PARD3B: variants seen among roughly 807,000 people sequenced by gnomAD.
The protein encoded by PARD3B is par-3 family cell polarity regulator beta, also known as partitioning defective 3 homolog B.
Under a neutral mutation model 130.2 loss-of-function variants are expected in PARD3B, and 103 were observed. That is an observed-to-expected ratio of 0.79 (90% CI 0.67 to 0.93). The LOEUF is 0.93. PARD3B is among the 40% of genes least tolerant of loss of function. The pLI, the probability that PARD3B is intolerant of heterozygous loss-of-function variation, is 0.00. For synonymous variants in PARD3B, 583 were observed against 553.2 expected, an observed-to-expected ratio of 1.05 and a Z score of -0.76; for missense variants, 1,609 against 1,499.2, an observed-to-expected ratio of 1.07 and a Z score of -1.21.
chr2:205,030,945 T>A (rs761625254), intron 3 of PARD3B, among the ~76,000 whole-genome samples: 11 of 152,170 alleles, frequency 7.2e-5, no homozygotes, highest in Non-Finnish European at 1.5e-4. Flanking sequence ...GTCTTTTTAT[T>A]GTGGAATGTA....
At chr2:205,322,002 G>A (rs1344318891) in intron 18 of PARD3B, among the ~76,000 whole-genome samples, 2 of 152,138 alleles carry the variant, frequency 1.3e-5, no homozygotes, top group Non-Finnish European at 2.9e-5. Context: ...AAATTGTGCT[G>A]CAGAAGGATC....
chr2:204,837,896 G>A (rs1478064852), intron 2 of PARD3B, among the ~76,000 whole-genome samples: 1 of 152,022 alleles, frequency 6.6e-6, no homozygotes, highest in African/African-American at 2.4e-5. Flanking sequence ...CCTAACTTTT[G>A]TTTCTAAGGC....
intron 1 of PARD3B, among the ~76,000 whole-genome samples, chr2:204,596,982 A>AC (rs1290119841): frequency 3.3e-5 from 5 of 150,628 alleles, no homozygotes; most frequent in Non-Finnish European, 7.4e-5. Flanking sequence ...ATTATATATA[A>AC]TTTTTCATGT....
intron 2 of PARD3B, among the ~76,000 whole-genome samples, chr2:204,929,193 T>A (rs922432055): frequency 6.6e-6 from 1 of 152,110 alleles, no homozygotes; most frequent in East Asian, 1.9e-4. Context: ...TCAAAAGAAT[T>A]TGCTGTTAAT....
intron 2 of PARD3B, among the ~76,000 whole-genome samples, chr2:204,760,935 G>A (rs998665179): frequency 2.6e-5 from 4 of 152,158 alleles, no homozygotes; most frequent in Admixed American, 2.0e-4. Flanking sequence ...TTGCAGAAGA[G>A]CATCTTAATA....
intron 20 of PARD3B, among the ~76,000 whole-genome samples, chr2:205,464,240 A>C (rs1174178036): frequency 6.6e-6 from 1 of 152,142 alleles, no homozygotes; most frequent in East Asian, 1.9e-4. Context: ...CATACTGTAA[A>C]AATAGTTGTA....
At chr2:205,099,385 A>G (rs976508897) in intron 4 of PARD3B, among the ~76,000 whole-genome samples, 1 of 152,180 alleles carries the variant, frequency 6.6e-6, no homozygotes, top group East Asian at 1.9e-4. Context: ...ATTCTTCATA[A>G]TCAGGGTTAT....
At chr2:205,220,452 G>A (rs1194902967) in intron 15 of PARD3B, among the ~76,000 whole-genome samples, 5 of 152,090 alleles carry the variant, frequency 3.3e-5, no homozygotes, top group Admixed American at 3.3e-4. Context: ...CAATCCATGG[G>A]CTACTGTTAG....
chr2:205,104,659 AATT>A, intron 5 of PARD3B, 145 bp downstream of exon 5: 1 of 583,174 alleles, frequency 1.7e-6, no homozygotes, highest in South Asian at 2.4e-5. Flanking sequence ...ACAGTTACTT[AATT>A]CTTCTTTTCT....
chr2:204,948,342 C>T (rs1689496108), intron 2 of PARD3B, among the ~76,000 whole-genome samples: 1 of 152,272 alleles, frequency 6.6e-6, no homozygotes, highest in Non-Finnish European at 1.5e-5. Flanking sequence ...TAGTATTTGG[C>T]AGCTACAAAT....
At chr2:205,444,277 C>T (rs2047828855) in intron 20 of PARD3B, among the ~76,000 whole-genome samples, 1 of 152,160 alleles carries the variant, frequency 6.6e-6, no homozygotes, top group African/African-American at 2.4e-5. Flanking sequence ...GCCACCATAC[C>T]CGGCCTCTAC....
intron 2 of PARD3B, among the ~76,000 whole-genome samples, chr2:204,741,012 A>G (rs1363995382): frequency 1.3e-5 from 2 of 152,140 alleles, no homozygotes; most frequent in African/African-American, 4.8e-5. Flanking sequence ...TATATTACCT[A>G]TATATTATTC....
intron 2 of PARD3B, among the ~76,000 whole-genome samples, chr2:204,752,305 T>C (rs1214903480): frequency 6.6e-6 from 1 of 152,136 alleles, no homozygotes. Context: ...TATCTTAAGG[T>C]TATGATGATG....
chr2:204,903,045 A>C (rs1046647663), intron 2 of PARD3B, among the ~76,000 whole-genome samples: 4 of 152,238 alleles, frequency 2.6e-5, no homozygotes, highest in Non-Finnish European at 4.4e-5. Context: ...TTGTTGAGGT[A>C]ATTGAGTGAG....
intron 18 of PARD3B, among the ~76,000 whole-genome samples, chr2:205,302,875 G>A (rs960782963): frequency 6.6e-6 from 1 of 152,110 alleles, no homozygotes; most frequent in African/African-American, 2.4e-5. Flanking sequence ...TTAAAATGAG[G>A]CCAGCATACT....
Position 205,185,810 on chromosome 2 carries a change from T to A in PARD3B, c.1971T>A (p.Pro657=), listed in dbSNP as rs747597693. 186 of 1,614,040 alleles carry A rather than the reference T, an allele frequency of 1.2e-4. 1 individual carries two copies. Among genetic ancestry groups the A allele is most frequent in the South Asian group, 1.8e-4 (16 of 91,088 alleles). Residue 657 remains proline (P), a synonymous_variant, in exon 14 of 23, where the codon CCT becomes CCA. Transcript: ENST00000406610. ...NDGWAESEVP[P]SPTPHSALGL... ...GATGGGCCGAGAGTGAAGTTCCACC[T>A]TCTCCAACACCACATTCTGCTCTGG...
In PARD3B at chr2:205,196,870, G is replaced by A. The variant is rs1204262282; in HGVS notation, c.2140+3550G>A. ...CCCATTTAAATTATCTTGCTATTAT[G>A]TCTTGTTTTGATTACTTACAGGATA... is the stretch of plus-strand genomic sequence containing the variant. On this transcript the variant is annotated intron_variant, in intron 15 of 22. Coordinates refer to ENST00000406610, the MANE Select transcript of PARD3B (RefSeq NM_001302769.2). Among the ~76,000 whole-genome samples, 5 of 152,098 alleles carry A rather than the reference G, an allele frequency of 3.3e-5. 1 individual carries two copies. In the Middle Eastern group the frequency reaches 0.01, roughly 310 times the overall value.
At chr2:205,383,356 A>G (rs1463155234) in intron 18 of PARD3B, among the ~76,000 whole-genome samples, 2 of 151,942 alleles carry the variant, frequency 1.3e-5, no homozygotes, top group African/African-American at 4.8e-5. Context: ...TTCAACCCTC[A>G]TATATTCATA....
intron 16 of PARD3B, among the ~76,000 whole-genome samples, chr2:205,277,265 A>G (rs1033627686): frequency 1.3e-5 from 2 of 152,184 alleles, no homozygotes; most frequent in Non-Finnish European, 2.9e-5. Context: ...CTTGGGTTCA[A>G]ATCCCAGTTT....
Sources: gnomAD v4.1 joint callset for allele counts (sites outside exome capture counted in the v4.1 genomes callset) on GRCh38, gnomAD v4.1.1 for gene constraint, MANE v1.5 for transcripts, NCBI Gene and HGNC (gene_info 2026-07-23, HGNC 2026-07-21) for gene names.